Variants in CLTRN observed in about 807,000 individuals in gnomAD.
CLTRN encodes the protein collectrin, amino acid transport regulator.
In CLTRN, 12 loss-of-function variants were observed where a neutral mutation model predicts 14.5. That is an observed-to-expected ratio of 0.83 (90% CI 0.53 to 1.34). The LOEUF is 1.34. CLTRN is among the 40% of genes most tolerant of loss of function. CLTRN has a pLI of 0.00. For missense variants in CLTRN, 154 were observed against 165.1 expected (o/e 0.93, Z 0.37); for synonymous variants, 58 against 56.5 (o/e 1.03, Z -0.12).
At chrX:15,640,567 G>A (rs1928918999) in intron 4 of CLTRN, among the ~76,000 whole-genome samples, 1 of 112,692 alleles carries the variant, frequency 8.9e-6, no homozygotes, top group African/African-American at 3.2e-5. Flanking sequence ...ATCTAGATTA[G>A]AATGACAAAG....
At chrX:15,668,410 G>A (rs902414265), upstream of CLTRN, among the ~76,000 whole-genome samples, 2 of 112,484 alleles carry the variant, frequency 1.8e-5, no homozygotes, top group Non-Finnish European at 3.8e-5. Context: ...ATTTTCCTCA[G>A]TAATTGGTGT....
chrX:15,672,211 G>C (rs1929732566), intron 1 of CLTRN, among the ~76,000 whole-genome samples: 1 of 111,796 alleles, frequency 8.9e-6, no homozygotes, highest in Non-Finnish European at 1.9e-5. Context: ...GAAAAAAAAA[G>C]TATGTGTGTC....
At chrX:15,664,658 G>A (rs1213071487) in intron 1 of CLTRN, 60 bp downstream of exon 1, 2 of 1,038,735 alleles carry the variant, frequency 1.9e-6, no homozygotes, top group Non-Finnish European at 1.3e-6. Flanking sequence ...TCTTTCAGTC[G>A]ATGACTTGTC....
At chrX:15,654,636 A>T (rs774717564) in intron 3 of CLTRN, among the ~76,000 whole-genome samples, 1 of 112,638 alleles carries the variant, frequency 8.9e-6, no homozygotes, top group South Asian at 3.7e-4. Flanking sequence ...CTCCTAAAAA[A>T]ATACAGCAAT....
chrX:15,675,367 C>T (rs1471131465), upstream of CLTRN, among the ~76,000 whole-genome samples: 2 of 109,431 alleles, frequency 1.8e-5, no homozygotes, highest in Non-Finnish European at 3.8e-5. Context: ...AGGGAGGTGG[C>T]GCGAAAAGGG....
chrX:15,656,926 T>G, intron 3 of CLTRN, among the ~76,000 whole-genome samples: 1 of 111,363 alleles, frequency 9.0e-6, no homozygotes, highest in Non-Finnish European at 1.9e-5. Context: ...CTACTTTTCT[T>G]GAAGGTGCCA....
At chrX:15,649,901 A>C (rs1456034879) in intron 3 of CLTRN, among the ~76,000 whole-genome samples, 1 of 108,325 alleles carries the variant, frequency 9.2e-6, no homozygotes, top group Non-Finnish European at 1.9e-5. Flanking sequence ...TTAGTAGAAA[A>C]AGTGAACCAA....
At chrX:15,656,290 A>G (rs1929359811) in intron 3 of CLTRN, among the ~76,000 whole-genome samples, 1 of 112,488 alleles carries the variant, frequency 8.9e-6, no homozygotes, top group Non-Finnish European at 1.9e-5. Flanking sequence ...GCTCTGTATC[A>G]TTGGTGGTGA....
chrX:15,669,104 A>G (rs1357902831), upstream of CLTRN, among the ~76,000 whole-genome samples: 1 of 111,777 alleles, frequency 8.9e-6, no homozygotes, highest in Non-Finnish European at 1.9e-5. Flanking sequence ...ACATACTGTA[A>G]CAAATTCATT....
chrX:15,628,212 C>T (rs1928608994), intron 5 of CLTRN, 85 bp from the exon 6 acceptor site: 1 of 684,301 alleles, frequency 1.5e-6, no homozygotes, highest in Non-Finnish European at 2.0e-6. Context: ...ACATGGAGAA[C>T]AGGAAGGGGA....
At chrX:15,648,198 C>T (rs892687263) in intron 3 of CLTRN, among the ~76,000 whole-genome samples, 1 of 110,949 alleles carries the variant, frequency 9.0e-6, no homozygotes, top group Non-Finnish European at 1.9e-5. Context: ...ATTGGAACAA[C>T]CCAAATGTCA....
chrX:15,651,767 T>C (rs1176813028), intron 3 of CLTRN, among the ~76,000 whole-genome samples: 8 of 110,831 alleles, frequency 7.2e-5, no homozygotes, highest in Non-Finnish European at 1.3e-4. Context: ...GGGGGAAAAA[T>C]GGATGGATGA....
chrX:15,646,454 G>A (rs1175575186), intron 3 of CLTRN: 4 of 302,015 alleles, frequency 1.3e-5, no homozygotes, highest in Admixed American at 3.7e-5. Context: ...CCAGAAAACC[G>A]CGCACCCACC....
chrX:15,653,224 G>A (rs1390980929), intron 3 of CLTRN, among the ~76,000 whole-genome samples: 1 of 111,456 alleles, frequency 9.0e-6, no homozygotes, highest in African/African-American at 3.3e-5. Flanking sequence ...TTTGGGTTGG[G>A]TGTTGAAGAG....
At chrX:15,655,712 C>T (rs1929341226) in intron 3 of CLTRN, among the ~76,000 whole-genome samples, 2 of 112,077 alleles carry the variant, frequency 1.8e-5, no homozygotes, top group African/African-American at 6.5e-5. Context: ...CAGATACACT[C>T]TCAGTGGCTA....
chrX:15,660,566 G>A (rs924764594), intron 2 of CLTRN, among the ~76,000 whole-genome samples: 2 of 109,392 alleles, frequency 1.8e-5, no homozygotes, highest in African/African-American at 6.7e-5. Context: ...CACTTTGGGA[G>A]GCCAAGATGG....
intron 4 of CLTRN, among the ~76,000 whole-genome samples, chrX:15,642,174 G>A (rs1928958481): frequency 8.9e-6 from 1 of 111,826 alleles, no homozygotes; most frequent in African/African-American, 3.3e-5. Flanking sequence ...TTTGTTACTT[G>A]CTCACTCTAG....
At chrX:15,646,269 T>C in intron 3 of CLTRN, 1 of 245,929 alleles carries the variant, frequency 4.1e-6, no homozygotes, top group Non-Finnish European at 7.8e-6. Flanking sequence ...TGGCGCCTCG[T>C]GCACTTTCTG....
chrX:15,628,441 T>C (rs975605024), intron 5 of CLTRN, among the ~76,000 whole-genome samples: 1 of 112,068 alleles, frequency 8.9e-6, no homozygotes, highest in African/African-American at 3.2e-5. Context: ...TGCACATATA[T>C]ACACATAGAC....
Sources: allele counts gnomAD v4.1 joint callset (sites outside exome capture counted in the v4.1 genomes callset), GRCh38; gene constraint gnomAD v4.1.1; transcripts MANE v1.5; gene names NCBI Gene and HGNC (gene_info 2026-07-23, HGNC 2026-07-21).